IVD: variants seen among roughly 807,000 people sequenced by gnomAD.
IVD encodes the protein isovaleryl-CoA dehydrogenase, mitochondrial.
In IVD, 31 loss-of-function variants were observed where a neutral mutation model predicts 51.3. The observed-to-expected ratio is 0.60, with a 90% confidence interval of 0.45 to 0.81. The LOEUF is 0.81. Ranked by LOEUF, IVD falls within the 40% of genes least tolerant of loss-of-function variation. The probability of loss-of-function intolerance (pLI) is 0.00; values close to 1 mark genes in which losing one functional copy is unlikely to be tolerated. For synonymous variants in IVD, 205 were observed against 219.4 expected, an observed-to-expected ratio of 0.93 and a Z score of 0.58; for missense variants, 475 against 552.0, an observed-to-expected ratio of 0.86 and a Z score of 1.40.
At chr15:40,433,047 T>C (rs1893068983) in intron 7 of IVD, among the ~76,000 whole-genome samples, 4 of 152,246 alleles carry the variant, frequency 2.6e-5, no homozygotes, top group Non-Finnish European at 5.9e-5. Context: ...TTCTAAGTAC[T>C]TTATATGTTT....
downstream of IVD, chr15:40,421,335 G>C (rs1405311317): frequency 2.0e-6 from 2 of 985,294 alleles, no homozygotes; most frequent in Non-Finnish European, 2.4e-6. Flanking sequence ...GTAAATGGAA[G>C]AACAAGGGGC....
chr15:40,413,303 T>C (rs1891284036), intron 7 of IVD: 2 of 608,162 alleles, frequency 3.3e-6, no homozygotes, highest in Non-Finnish European at 6.0e-6. Context: ...ACACTCCGCA[T>C]AGGGTCTGTA....
chr15:40,409,113 G>A (rs1458297430), intron 3 of IVD, among the ~76,000 whole-genome samples: 1 of 152,160 alleles, frequency 6.6e-6, no homozygotes, highest in Non-Finnish European at 1.5e-5. Flanking sequence ...AAGCATTAGG[G>A]GAAAGGCTGC....
At chr15:40,416,386 C>G in intron 11 of IVD, 24 bp downstream of exon 11, 2 of 1,607,426 alleles carry the variant, frequency 1.2e-6, no homozygotes, top group Middle Eastern at 1.9e-4. Context: ...ACTTCCCAGT[C>G]CCGGGGCTCC....
At chr15:40,407,597 GC>G in intron 1 of IVD, 38 bp from the exon 2 acceptor site, 2 of 1,435,006 alleles carry the variant, frequency 1.4e-6, no homozygotes, top group Non-Finnish European at 2.0e-6. Context: ...TAGTGGAGAT[GC>G]TGTCTGCAGT....
In IVD at chr15:40,419,110, T is replaced by C. The variant is rs1234162773; in HGVS notation, c.*847T>C. On this transcript the variant is annotated 3_prime_UTR_variant, in exon 12 of 12. Coordinates refer to ENST00000487418, the MANE Select transcript of IVD (RefSeq NM_002225.5). ...GAGCTTGTGCCATTGCACTCCAGCC[T>C]GGGCGACAAGAGCAAAACTCTTCAA... The C allele has an allele frequency of 3.1e-6, 4 of 1,276,890 alleles. No homozygotes were observed. In the African/African-American group the frequency reaches 4.6e-5, roughly 15 times the overall value. 79.1% of individuals were successfully genotyped at this position (1,276,890 alleles called of 1,614,324 possible). A position where few individuals can be genotyped will look rare whatever the true frequency, so the allele number is the denominator to read the frequency against.
chr15:40,433,914 G>A, exon 8 of IVD: 1 of 456,650 alleles, frequency 2.2e-6, no homozygotes. Context: ...CAATAATGAA[G>A]GTACTATTAG....
chr15:40,410,775 A>G lies in IVD; in HGVS notation c.434A>G (p.Gln145Arg), dbSNP rs747528884. 3.1e-6 allele frequency: 5 copies of G among 1,614,234 alleles called. No individual in the cohort carries two copies. The highest frequency in any genetic ancestry group is 4.2e-6 in the Non-Finnish European group (5 of 1,180,038). The change falls in exon 4 of 12, where the codon CAG becomes CGG. Residue 145 changes from glutamine (Q) to arginine (R), a missense_variant. Coordinates refer to ENST00000487418, the MANE Select transcript of IVD (RefSeq NM_002225.5). ...NQLVRNGNEA[Q>R]KEKYLPKLIS... ...CTTGTACGCAATGGGAATGAGGCCCAGAAAGAGAAGTATCTCCCGAAGGTG... is the reference window on the plus strand; with the variant it reads ...CTTGTACGCAATGGGAATGAGGCCCGGAAAGAGAAGTATCTCCCGAAGGTG...
Position 40,410,780 on chromosome 15 carries a change from G to C in IVD, c.439G>C (p.Glu147Gln), listed in dbSNP as rs981444721. Reference protein sequence around the residue: ...LVRNGNEAQKEKYLPKLISGE... With the variant: ...LVRNGNEAQKQKYLPKLISGE... The stretch of plus-strand genomic sequence containing the variant: ...ACGCAATGGGAATGAGGCCCAGAAA[G>C]AGAAGTATCTCCCGAAGGTGAGGAA... Residue 147 changes from glutamate (E) to glutamine (Q), a missense_variant, in exon 4 of 12, where the codon GAG becomes CAG. Coordinates refer to ENST00000487418, the MANE Select transcript of IVD (RefSeq NM_002225.5). 1.9e-6 allele frequency: 3 copies of C among 1,614,066 alleles called. No individual in the cohort carries two copies. Among genetic ancestry groups the C allele is most frequent in the South Asian group, 1.1e-5 (1 of 91,086 alleles).
chr15:40,410,525 C>A, intron 3 of IVD, 103 bp from the exon 4 acceptor site: 1 of 1,324,172 alleles, frequency 7.6e-7, no homozygotes, highest in Non-Finnish European at 1.1e-6. Context: ...GGAGTAGGTG[C>A]TACAAGGTGC....
intron 7 of IVD, among the ~76,000 whole-genome samples, chr15:40,431,464 G>T (rs1892971175): frequency 1.3e-5 from 2 of 152,176 alleles, no homozygotes; most frequent in Non-Finnish European, 2.9e-5. Context: ...GGGAGGCCGA[G>T]GCAGGCAGAT....
rs771929559 is a variant in IVD at position 40,407,724 on chromosome 15, G to C, written c.233G>C (p.Arg78Pro). 1.4e-5 allele frequency: 23 copies of C among 1,613,764 alleles called. No homozygotes were observed. The highest frequency in any genetic ancestry group is 1.9e-5 in the Non-Finnish European group (23 of 1,179,816). ...CGCAGCAATGAGTTCAAGAACCTGC[G>C]AGTGAGTTGGGAGGTCCGGGCAGTC... ...IDRSNEFKNLREFWKQLGNLG... is the reference protein window; with the variant it reads ...IDRSNEFKNLPEFWKQLGNLG... Residue 78 changes from arginine (R) to proline (P), a missense_variant and splice_region_variant, in exon 2 of 12, where the codon CGA (arginine) becomes CCA (proline). By Grantham distance (103) the Arg-to-Pro change is moderately radical. Transcript: ENST00000487418.
At chr15:40,411,141 A>T in intron 4 of IVD, 119 bp from the exon 5 acceptor site, 1 of 988,432 alleles carries the variant, frequency 1.0e-6, no homozygotes. Flanking sequence ...CTTTACCGAC[A>T]CCCTGGTCTG....
At chr15:40,424,281 C>A, downstream of IVD, 1 of 849,010 alleles carries the variant, frequency 1.2e-6, no homozygotes. Context: ...CCTTCTGCTG[C>A]TTCCCTCCTT....
At chr15:40,415,148 T>A in intron 8 of IVD, 166 bp downstream of exon 8, 1 of 829,712 alleles carries the variant, frequency 1.2e-6, no homozygotes, top group Non-Finnish European at 1.9e-6. Context: ...GTTGAATTTC[T>A]TCCCACAGTG....
chr15:40,421,983 C>A (rs541721435), downstream of IVD, among the ~76,000 whole-genome samples: 12 of 152,350 alleles, frequency 7.9e-5, no homozygotes, highest in South Asian at 2.5e-3. Flanking sequence ...GTCGCGACCC[C>A]CAGCCTAGGG....
rs1892048131 is a variant in IVD at position 40,419,249 on chromosome 15, G to A, written c.*986G>A. 1 of 1,288,628 alleles carries A rather than the reference G, an allele frequency of 7.8e-7. No homozygotes were observed. Among genetic ancestry groups the A allele is most frequent in the Non-Finnish European group, 1.0e-6 (1 of 988,172 alleles). 79.8% of individuals were successfully genotyped at this position (1,288,628 alleles called of 1,614,324 possible). A position where few individuals can be genotyped will look rare whatever the true frequency, so the allele number is the denominator to read the frequency against. ...TGCTTGGCCAGGCAAGGTGGTGTGT[G>A]CCTGTAATCCCAGCACTTTGGGAGG... On this transcript the variant is annotated 3_prime_UTR_variant, in exon 12 of 12. Transcript: ENST00000487418.
intron 6 of IVD, among the ~76,000 whole-genome samples, chr15:40,411,968 C>T (rs116102231): frequency 1.6e-3 from 248 of 152,288 alleles, no homozygotes; most frequent in African/African-American, 5.6e-3. Flanking sequence ...CAGGACATGA[C>T]GGTCAGGGTA....
intron 6 of IVD, chr15:40,412,764 C>T: frequency 1.8e-6 from 1 of 548,288 alleles, no homozygotes; most frequent in South Asian, 2.0e-5. Context: ...AAGAAGTGTC[C>T]CCATGAGAAC....
Sources: gnomAD v4.1 joint callset for allele counts (sites outside exome capture counted in the v4.1 genomes callset) on GRCh38, gnomAD v4.1.1 for gene constraint, MANE v1.5 for transcripts, NCBI Gene and HGNC (gene_info 2026-07-23, HGNC 2026-07-21) for gene names.